The following CYB5R4 variants were observed in gnomAD, a reference collection of about 807,000 sequenced individuals.
CYB5R4 encodes the protein N-terminal cytochrome b5 and cytochrome b5 oxidoreductase domain-containing protein.
In CYB5R4, 55 loss-of-function variants were observed where a neutral mutation model predicts 70.2. That is an observed-to-expected ratio of 0.78 (90% CI 0.63 to 0.98). The LOEUF (loss-of-function observed/expected upper bound fraction) is 0.98, where lower values mean the gene tolerates loss of function less well. Among genes scored for constraint, CYB5R4 ranks in the 50% least tolerant of loss-of-function variants. CYB5R4 has a pLI of 0.00. For missense variants in CYB5R4, 562 were observed against 612.6 expected, an observed-to-expected ratio of 0.92 and a Z score of 0.87; for synonymous variants, 197 against 199.5, an observed-to-expected ratio of 0.99 and a Z score of 0.11.
At chr6:83,901,931 T>G (rs1034639001) in intron 3 of CYB5R4, among the ~76,000 whole-genome samples, 4 of 152,124 alleles carry the variant, frequency 2.6e-5, no homozygotes, top group African/African-American at 9.7e-5. Flanking sequence ...TCAGTCCTTG[T>G]TAGATAAATA....
intron 2 of CYB5R4, among the ~76,000 whole-genome samples, chr6:83,885,374 C>G (rs1196275540): frequency 1.3e-5 from 2 of 152,284 alleles, no homozygotes; most frequent in African/African-American, 2.4e-5. Context: ...CTTAAGCTCC[C>G]TCAGGAGTCC....
chr6:83,868,587 C>G (rs2099457097), intron 2 of CYB5R4, among the ~76,000 whole-genome samples: 1 of 152,160 alleles, frequency 6.6e-6, no homozygotes, highest in Admixed American at 6.5e-5. Context: ...AATTGGAATG[C>G]TGAAGAAATC....
intron 2 of CYB5R4, among the ~76,000 whole-genome samples, chr6:83,890,418 C>A (rs906053309): frequency 4.6e-5 from 7 of 152,024 alleles, no homozygotes; most frequent in African/African-American, 1.7e-4. Flanking sequence ...ACTGAAATTG[C>A]TGCGTGATAA....
At chr6:83,914,837 GATT>G (rs1288390504) in intron 5 of CYB5R4, among the ~76,000 whole-genome samples, 2 of 41,730 alleles carry the variant, frequency 4.8e-5, no homozygotes, top group East Asian at 1.0e-3. Context: ...GCCCGGCCTA[GATT>G]TTTTTTTTTT....
chr6:83,877,145 TA>T (rs2099458689), intron 2 of CYB5R4, among the ~76,000 whole-genome samples: 1 of 152,210 alleles, frequency 6.6e-6, no homozygotes, highest in Admixed American at 6.5e-5. Context: ...AACATTTTTT[TA>T]TAGTGCAGGT....
intron 10 of CYB5R4, among the ~76,000 whole-genome samples, chr6:83,932,610 T>C (rs2099468325): frequency 6.6e-6 from 1 of 151,834 alleles, no homozygotes; most frequent in African/African-American, 2.4e-5. Flanking sequence ...AGGTGAGGAG[T>C]ATTGCAAGGC....
At chr6:83,914,521 T>C in intron 5 of CYB5R4, 73 bp downstream of exon 5, 3 of 1,329,474 alleles carry the variant, frequency 2.3e-6, no homozygotes, top group Non-Finnish European at 3.0e-6. Flanking sequence ...CAGAATTGTC[T>C]GGGGCATTTA....
chr6:83,946,157 C>T (rs373458278), intron 14 of CYB5R4, among the ~76,000 whole-genome samples: 69 of 152,252 alleles, frequency 4.5e-4, no homozygotes, highest in African/African-American at 1.4e-3. Flanking sequence ...TGATGAACAT[C>T]GATGCAAAAA....
chr6:83,897,694 C>A (rs1233227213), intron 3 of CYB5R4, among the ~76,000 whole-genome samples: 1 of 152,164 alleles, frequency 6.6e-6, no homozygotes, highest in Non-Finnish European at 1.5e-5. Flanking sequence ...TAAATATCTT[C>A]TTTTGAGAAG....
intron 10 of CYB5R4, among the ~76,000 whole-genome samples, chr6:83,930,138 G>A (rs980499806): frequency 6.6e-6 from 1 of 152,192 alleles, no homozygotes; most frequent in African/African-American, 2.4e-5. Flanking sequence ...TGAGTCTTCA[G>A]TGAATCATAA....
Position 83,859,874 on chromosome 6 carries a change from G to C in CYB5R4, c.75+17G>C. The C allele has an allele frequency of 1.2e-6, 2 of 1,605,046 alleles. No homozygotes were observed. Among genetic ancestry groups the C allele is most frequent in the South Asian group, 2.2e-5 (2 of 89,800 alleles). ...CGTAGCAAGGTAAGCGGGTGGCTCC[G>C]TGAGTCTCTCCCCTCGCTGCGTTTC... On this transcript the variant is annotated intron_variant, in intron 1 of 15. Transcript: ENST00000369681.
In CYB5R4 at chr6:83,934,241, T is replaced by TA. The variant is rs371624011; in HGVS notation, c.815-340dup. Reference sequence around the variant, plus strand: ...AAACCCAATCTCTTTAAAAAAAAATTAAAAAAAAAAAAAAGACTTTAGAAT... The same window carrying TA: ...AAACCCAATCTCTTTAAAAAAAAATTAAAAAAAAAAAAAAAGACTTTAGAAT... On this transcript the variant is annotated intron_variant, in intron 10 of 15. Coordinates refer to ENST00000369681, the MANE Select transcript of CYB5R4 (RefSeq NM_016230.4). 6.3e-3 allele frequency among the ~76,000 whole-genome samples: 836 copies of TA among 133,526 alleles called. 3 individuals are homozygous for TA. Among genetic ancestry groups the TA allele is most frequent in the African/African-American group, 8.8e-3 (321 of 36,448 alleles). 87.6% of individuals were successfully genotyped at this position (133,526 alleles called of 152,430 possible). A position where few individuals can be genotyped will look rare whatever the true frequency, so the allele number is the denominator to read the frequency against.
Position 83,918,005 on chromosome 6 carries a change from G to T in CYB5R4, c.446G>T (p.Gly149Val), listed in dbSNP as rs983309117. Reference protein sequence around the residue: ...YREEEKKVLNGMLPKSQVTDT... With the variant: ...YREEEKKVLNVMLPKSQVTDT... ...ACTATAGCTATCTTTCTTTGTAAAGGCATGCTTCCCAAGAGCCAAGTGACA... is the reference window on the plus strand; with the variant it reads ...ACTATAGCTATCTTTCTTTGTAAAGTCATGCTTCCCAAGAGCCAAGTGACA... Residue 149 changes from glycine (G) to valine (V), a missense_variant and splice_region_variant, in exon 6 of 16, where the codon GGC becomes GTC. Coordinates refer to ENST00000369681, the MANE Select transcript of CYB5R4 (RefSeq NM_016230.4). 14 of 1,608,908 alleles carry T rather than the reference G, an allele frequency of 8.7e-6. No individual in the cohort carries two copies. Among genetic ancestry groups the T allele is most frequent in the Non-Finnish European group, 1.2e-5 (14 of 1,176,210 alleles).
At chr6:83,942,501 C>T (rs1239367883) in intron 14 of CYB5R4, among the ~76,000 whole-genome samples, 1 of 152,240 alleles carries the variant, frequency 6.6e-6, no homozygotes, top group Non-Finnish European at 1.5e-5. Context: ...GCCTACACCA[C>T]CAGGGCCCTG....
chr6:83,940,380 C>T, intron 13 of CYB5R4, 135 bp from the exon 14 acceptor site: 2 of 1,070,510 alleles, frequency 1.9e-6, no homozygotes, highest in Non-Finnish European at 2.6e-6. Flanking sequence ...TCTTTTATCT[C>T]ATTTCAGTTT....
chr6:83,888,821 G>T (rs1429788541), intron 2 of CYB5R4, among the ~76,000 whole-genome samples: 1 of 152,214 alleles, frequency 6.6e-6, no homozygotes, highest in Non-Finnish European at 1.5e-5. Context: ...TATGCCACTA[G>T]TGCCACACAG....
At chr6:83,924,330 C>G in intron 9 of CYB5R4, 140 bp from the exon 10 acceptor site, 1 of 746,820 alleles carries the variant, frequency 1.3e-6, no homozygotes, top group South Asian at 2.6e-5. Context: ...AATATGTAAG[C>G]AAAATCTTAT....
intron 5 of CYB5R4, 50 bp from the exon 6 acceptor site, chr6:83,917,955 A>G: frequency 2.1e-6 from 3 of 1,458,538 alleles, no homozygotes; most frequent in Non-Finnish European, 2.9e-6. Context: ...TAAAAGACAA[A>G]AAGTTAAAAA....
intron 15 of CYB5R4, among the ~76,000 whole-genome samples, chr6:83,955,949 C>G (rs2099472357): frequency 6.6e-6 from 1 of 152,168 alleles, no homozygotes; most frequent in Non-Finnish European, 1.5e-5. Flanking sequence ...ATAGTTGAAG[C>G]ATGGATCATG....
Sources: allele counts gnomAD v4.1 joint callset (sites outside exome capture counted in the v4.1 genomes callset), GRCh38; gene constraint gnomAD v4.1.1; transcripts MANE v1.5; gene names NCBI Gene and HGNC (gene_info 2026-07-23, HGNC 2026-07-21).